The following COG5 variants were observed in gnomAD, a reference collection of about 807,000 sequenced individuals.
The protein encoded by COG5 is conserved oligomeric Golgi complex subunit 5.
A neutral mutation model predicts 110.4 loss-of-function variants in COG5; 86 were observed. The observed-to-expected ratio is 0.78, with a 90% CI of 0.65 to 0.93. The LOEUF (loss-of-function observed/expected upper bound fraction) is 0.93, where lower values mean the gene tolerates loss of function less well. COG5 is among the 40% of genes least tolerant of loss of function. The pLI is 0.00. For missense variants in COG5, 1,077 were observed against 987.0 expected (o/e 1.09, Z -1.22); for synonymous variants, 360 against 334.6 (o/e 1.08, Z -0.83).
At chr7:107,439,348 G>A (rs1794568885) in intron 6 of COG5, among the ~76,000 whole-genome samples, 1 of 151,902 alleles carries the variant, frequency 6.6e-6, no homozygotes, top group African/African-American at 2.4e-5. Context: ...CACTTTACAG[G>A]AAAATTCCTC....
intron 6 of COG5, among the ~76,000 whole-genome samples, chr7:107,499,442 G>C (rs1798497255): frequency 1.3e-5 from 2 of 148,724 alleles, no homozygotes; most frequent in Non-Finnish European, 3.0e-5. Flanking sequence ...GTCTCGCTCT[G>C]TTGTCCAGGC....
At chr7:107,324,897 G>A (rs1429261115) in intron 10 of COG5, among the ~76,000 whole-genome samples, 1 of 152,112 alleles carries the variant, frequency 6.6e-6, no homozygotes, top group African/African-American at 2.4e-5. Context: ...CTCAATGAAT[G>A]TTAGCTATTA....
intron 10 of COG5, among the ~76,000 whole-genome samples, chr7:107,331,761 G>A (rs1432395852): frequency 1.3e-5 from 2 of 152,044 alleles, no homozygotes; most frequent in East Asian, 3.9e-4. Flanking sequence ...GCAGCAGGTG[G>A]GCAAAGAAAG....
At chr7:107,555,252 G>A (rs989365128) in intron 2 of COG5, among the ~76,000 whole-genome samples, 3 of 152,218 alleles carry the variant, frequency 2.0e-5, no homozygotes, top group African/African-American at 7.2e-5. Context: ...AAGGCGACAT[G>A]CAAGACATTC....
At chr7:107,379,094 A>C (rs568079399) in intron 7 of COG5, among the ~76,000 whole-genome samples, 11 of 152,354 alleles carry the variant, frequency 7.2e-5, no homozygotes, top group South Asian at 2.1e-4. Flanking sequence ...CCTAAAAGCC[A>C]GAAGAGAGTG....
chr7:107,560,367 T>C (rs1331903429), intron 1 of COG5, among the ~76,000 whole-genome samples: 2 of 152,190 alleles, frequency 1.3e-5, no homozygotes, highest in South Asian at 2.1e-4. Flanking sequence ...GCACTAAGAA[T>C]GTCAAAGTGA....
intron 6 of COG5, among the ~76,000 whole-genome samples, chr7:107,515,085 A>G (rs1225199906): frequency 6.6e-6 from 1 of 152,210 alleles, no homozygotes; most frequent in African/African-American, 2.4e-5. Flanking sequence ...TGTTTGATAA[A>G]TAAATTAAAC....
chr7:107,259,051 C>T (rs757852740), intron 14 of COG5, among the ~76,000 whole-genome samples: 14 of 151,790 alleles, frequency 9.2e-5, no homozygotes, highest in Admixed American at 4.6e-4. Flanking sequence ...TACACTTGAC[C>T]TTTAATTTAC....
intron 10 of COG5, among the ~76,000 whole-genome samples, chr7:107,329,237 G>C (rs1810030885): frequency 6.6e-6 from 1 of 152,132 alleles, no homozygotes; most frequent in Non-Finnish European, 1.5e-5. Context: ...TTAACAGCTA[G>C]AGGCAGCTAC....
chr7:107,215,663 TCAAACAAA>T (rs1018123941), intron 19 of COG5, among the ~76,000 whole-genome samples: 4 of 151,630 alleles, frequency 2.6e-5, no homozygotes, highest in South Asian at 2.1e-4. Context: ...AGACTCCGTC[TCAAACAAA>T]CAAACAAACA....
intron 5 of COG5, among the ~76,000 whole-genome samples, chr7:107,527,673 CG>C (rs1281296813): frequency 6.6e-6 from 1 of 152,154 alleles, no homozygotes; most frequent in Non-Finnish European, 1.5e-5. Flanking sequence ...AGGGAACACA[CG>C]GAAGTACTAT....
intron 21 of COG5, chr7:107,208,245 T>A: frequency 1.0e-6 from 1 of 985,420 alleles, no homozygotes; most frequent in Non-Finnish European, 1.2e-6. Context: ...TGTGGAGGGA[T>A]GGATATGCCT....
intron 7 of COG5, among the ~76,000 whole-genome samples, chr7:107,411,514 A>T (rs968614952): frequency 6.6e-6 from 1 of 152,018 alleles, no homozygotes; most frequent in East Asian, 1.9e-4. Flanking sequence ...GGGTAAAGAA[A>T]CTCTAGGAGT....
intron 6 of COG5, among the ~76,000 whole-genome samples, chr7:107,448,981 T>C (rs996371589): frequency 1.3e-5 from 2 of 152,122 alleles, no homozygotes; most frequent in Non-Finnish European, 2.9e-5. Flanking sequence ...TGAAAACACC[T>C]GCAGACCATA....
chr7:107,319,649 T>C (rs1358248235), intron 11 of COG5, among the ~76,000 whole-genome samples: 1 of 152,242 alleles, frequency 6.6e-6, no homozygotes, highest in Non-Finnish European at 1.5e-5. Flanking sequence ...ACATCTAAAG[T>C]AGCAGTTACC....
intron 6 of COG5, among the ~76,000 whole-genome samples, chr7:107,427,230 A>C (rs944014993): frequency 6.6e-6 from 1 of 152,170 alleles, no homozygotes; most frequent in African/African-American, 2.4e-5. Context: ...AAAATAATGG[A>C]GGGTTCCAAA....
At chr7:107,481,369 T>A (rs2129120410) in intron 6 of COG5, among the ~76,000 whole-genome samples, 1 of 152,228 alleles carries the variant, frequency 6.6e-6, no homozygotes, top group East Asian at 1.9e-4. Context: ...AATTAAAATT[T>A]AAATTTAATA....
rs1056748670 is a variant in COG5 at position 107,350,990 on chromosome 7, T to A, written c.1026+11043A>T. 2.0e-5 allele frequency among the ~76,000 whole-genome samples: 3 copies of A among 152,344 alleles called. No homozygotes were observed. In the East Asian group the frequency reaches 5.8e-4, roughly 29 times the overall value. ...ATTCTCTTATTTTTCGCAAGCTTAA[T>A]AGTACATTAAAAATCATCTTTTTCT... is the stretch of plus-strand genomic sequence containing the variant. On this transcript the variant is annotated intron_variant, in intron 10 of 21. Coordinates refer to ENST00000297135, the MANE Select transcript of COG5 (RefSeq NM_006348.5).
At chr7:107,494,305 T>A (rs181419676) in intron 6 of COG5, among the ~76,000 whole-genome samples, 1 of 152,160 alleles carries the variant, frequency 6.6e-6, no homozygotes, top group Non-Finnish European at 1.5e-5. Flanking sequence ...TGGTCAGGCA[T>A]AGTTTCCAGC....
Sources: gnomAD v4.1 joint callset for allele counts (sites outside exome capture counted in the v4.1 genomes callset) on GRCh38, gnomAD v4.1.1 for gene constraint, MANE v1.5 for transcripts, NCBI Gene and HGNC (gene_info 2026-07-23, HGNC 2026-07-21) for gene names.